The following ALKBH1 variants were observed in gnomAD, a reference collection of about 807,000 sequenced individuals.
The protein encoded by ALKBH1 is nucleic acid dioxygenase ALKBH1.
Under a neutral mutation model 36.6 loss-of-function variants are expected in ALKBH1, and 31 were observed. The observed-to-expected ratio is 0.85, with a 90% CI of 0.64 to 1.14. The LOEUF is 1.14. Ranked by LOEUF, ALKBH1 falls within the 50% of genes most tolerant of loss-of-function variation. ALKBH1 has a pLI of 0.00. For synonymous variants in ALKBH1, 183 were observed against 186.6 expected (o/e 0.98, Z 0.16); for missense variants, 490 against 497.3 (o/e 0.99, Z 0.14).
chr14:77,680,655 CA>C (rs1328588503), intron 3 of ALKBH1, among the ~76,000 whole-genome samples: 1 of 146,062 alleles, frequency 6.8e-6, no homozygotes, highest in Non-Finnish European at 1.5e-5. Flanking sequence ...CTCATCTGAT[CA>C]AATCTATGTG....
At chr14:77,700,010 A>G (rs1316061280) in intron 2 of ALKBH1, among the ~76,000 whole-genome samples, 6 of 152,086 alleles carry the variant, frequency 3.9e-5, no homozygotes, top group African/African-American at 1.2e-4. Flanking sequence ...AGCAGAGATC[A>G]CACCACTGCA....
intron 3 of ALKBH1, among the ~76,000 whole-genome samples, chr14:77,684,383 C>T (rs145240757): frequency 0.036 from 5,516 of 151,154 alleles, 146 homozygotes; most frequent in Non-Finnish European, 0.053. Context: ...TTTTTTTAGA[C>T]GGAGTTTTGC....
chr14:77,696,302 C>T (rs2080326671), intron 2 of ALKBH1, among the ~76,000 whole-genome samples: 1 of 152,194 alleles, frequency 6.6e-6, no homozygotes, highest in African/African-American at 2.4e-5. Context: ...GATTCTCCTG[C>T]CTCAGTCTCC....
intron 3 of ALKBH1, chr14:77,683,588 T>C: frequency 2.2e-6 from 1 of 448,874 alleles, no homozygotes. Context: ...TCCTTTTTTT[T>C]TGAGATGCAG....
intron 1 of ALKBH1, among the ~76,000 whole-genome samples, chr14:77,706,080 T>C (rs28558502): frequency 0.011 from 1,585 of 140,578 alleles, 32 homozygotes; most frequent in African/African-American, 0.04. Context: ...ATATATTATA[T>C]ATACACACAC....
chr14:77,676,243 A>C (rs1207106989), intron 4 of ALKBH1, among the ~76,000 whole-genome samples: 5 of 151,670 alleles, frequency 3.3e-5, no homozygotes, highest in Non-Finnish European at 7.4e-5. Context: ...TCAGTCTCCC[A>C]AAGCGTTGTG....
Position 77,707,990 on chromosome 14 carries a change from T to G in ALKBH1, c.15A>C (p.Ala5=), listed in dbSNP as rs776298384. 23 of 1,610,280 alleles carry G rather than the reference T, an allele frequency of 1.4e-5. No individual in the cohort carries two copies. Among genetic ancestry groups the G allele is most frequent in the Non-Finnish European group, 1.9e-5 (22 of 1,177,726 alleles). ...GAGTCGCCACAGAGCCCACGGCCGC[T>G]GCCATCTTCCCCATCTCGCGGCCTA... The part of the protein sequence containing the change: MGKM[A]AAVGSVATLA... Residue 5 remains alanine (A), a synonymous_variant, in exon 1 of 6, where the codon GCA becomes GCC. Coordinates refer to ENST00000216489, the MANE Select transcript of ALKBH1 (RefSeq NM_006020.3).
chr14:77,683,381 T>TA (rs758251036), intron 3 of ALKBH1: 183 of 780,618 alleles, frequency 2.3e-4, no homozygotes, highest in Non-Finnish European at 3.5e-4. Flanking sequence ...TCTCGGCTCT[T>TA]AGAGTGCTTA....
At chr14:77,700,530 T>A (rs1406797418) in intron 2 of ALKBH1, among the ~76,000 whole-genome samples, 1 of 152,202 alleles carries the variant, frequency 6.6e-6, no homozygotes, top group Admixed American at 6.5e-5. Context: ...ATTTTATGTT[T>A]CATTTATCAG....
At chr14:77,680,825 A>G (rs372648813) in intron 3 of ALKBH1, among the ~76,000 whole-genome samples, 2 of 151,970 alleles carry the variant, frequency 1.3e-5, no homozygotes, top group East Asian at 1.9e-4. Flanking sequence ...GATTACAGGC[A>G]TGCACCACTA....
Position 77,674,012 on chromosome 14 carries a change from T to C in ALKBH1, c.970A>G (p.Met324Val), listed in dbSNP as rs6494. 8.7e-6 allele frequency: 14 copies of C among 1,613,930 alleles called. No homozygotes were observed. Among genetic ancestry groups the C allele is most frequent in the African/African-American group, 6.7e-5 (5 of 74,882 alleles). The change falls in exon 6 of 6, where the codon ATG (methionine) becomes GTG (valine). Residue 324 changes from methionine to valine, a missense_variant. Met to Val is a conservative substitution (Grantham distance 21, BLOSUM62 1). Coordinates refer to ENST00000216489, the MANE Select transcript of ALKBH1 (RefSeq NM_006020.3). ...PRDSMVEPCS[M>V]EDWQVCASYL... ...CTGGCACACACCTGCCAGTCCTCCA[T>C]AGAACAAGGCTCTACCATTGAATCT...
chr14:77,682,047 C>A (rs777845830), intron 3 of ALKBH1, among the ~76,000 whole-genome samples: 9 of 151,966 alleles, frequency 5.9e-5, no homozygotes, highest in Non-Finnish European at 1.3e-4. Context: ...GTCTTCCTGG[C>A]GAATCATCAA....
At chr14:77,692,824 TTTA>T (rs1435463632) in intron 3 of ALKBH1, among the ~76,000 whole-genome samples, 1 of 151,848 alleles carries the variant, frequency 6.6e-6, no homozygotes, top group Non-Finnish European at 1.5e-5. Context: ...ATTTATTTAA[TTTA>T]TTTATTTTTA....
intron 4 of ALKBH1, among the ~76,000 whole-genome samples, chr14:77,678,086 C>CAAAA (rs1388754340): frequency 2.9e-4 from 1 of 3,394 alleles, no homozygotes; most frequent in Non-Finnish European, 6.2e-4. Context: ...AATATTATCA[C>CAAAA]CAAAAAAAAA....
In ALKBH1 at chr14:77,673,724, C is replaced by T; in HGVS notation, c.*88G>A. 7.3e-7 allele frequency: 1 copy of T among 1,373,452 alleles called. No individual in the cohort carries two copies. Among genetic ancestry groups the T allele is most frequent in the South Asian group, 1.4e-5 (1 of 72,090 alleles). The allele number at this position is 1,373,452 out of a possible 1,614,324, so 85.1% of individuals were successfully genotyped here. ...TTCCCTGTCTCTGTTTTTGGCTTGT[C>T]TGGGTGCTGAAGTCCACGGCAATAC... On this transcript the variant is annotated 3_prime_UTR_variant, in exon 6 of 6. Transcript: ENST00000216489.
chr14:77,689,266 A>T (rs2080285169), intron 3 of ALKBH1, among the ~76,000 whole-genome samples: 1 of 152,164 alleles, frequency 6.6e-6, no homozygotes. Context: ...GTGCCCCCAA[A>T]GCACCTTGCA....
chr14:77,706,678 A>C (rs1367520586), intron 1 of ALKBH1, among the ~76,000 whole-genome samples: 9 of 152,216 alleles, frequency 5.9e-5, no homozygotes, highest in Non-Finnish European at 1.2e-4. Flanking sequence ...AAGCATGTAC[A>C]TATTATGGTA....
At chr14:77,697,268 C>A in intron 2 of ALKBH1, 2 of 154,934 alleles carry the variant, frequency 1.3e-5, no homozygotes, top group South Asian at 3.5e-4. Context: ...TGGGTGCTGC[C>A]AGGTGGCCCA....
At chr14:77,681,690 A>C (rs1250910186) in intron 3 of ALKBH1, among the ~76,000 whole-genome samples, 1 of 152,218 alleles carries the variant, frequency 6.6e-6, no homozygotes, top group African/African-American at 2.4e-5. Context: ...ATTCTCTGGA[A>C]GTGTTAAGAG....
Sources: allele counts gnomAD v4.1 joint callset (sites outside exome capture counted in the v4.1 genomes callset), GRCh38; gene constraint gnomAD v4.1.1; transcripts MANE v1.5; gene names NCBI Gene and HGNC (gene_info 2026-07-23, HGNC 2026-07-21).